FBXO11: variants seen among roughly 807,000 people sequenced by gnomAD.
FBXO11 encodes the protein F-box only protein 11.
In FBXO11, 13 loss-of-function variants were observed where a neutral mutation model predicts 117.0. That is an observed-to-expected ratio of 0.11 (90% CI 0.07 to 0.18). The LOEUF is 0.18. Ranked by LOEUF, FBXO11 falls within the 10% of genes least tolerant of loss-of-function variation. The pLI is 1.00. For missense variants in FBXO11, 767 were observed against 1,164.4 expected, an observed-to-expected ratio of 0.66 and a Z score of 4.97; for synonymous variants, 490 against 380.5, an observed-to-expected ratio of 1.29 and a Z score of -3.35.
chr2:47,829,949 G>T (rs1431225531), intron 11 of FBXO11, among the ~76,000 whole-genome samples: 3 of 152,078 alleles, frequency 2.0e-5, no homozygotes, highest in Non-Finnish European at 4.4e-5. Flanking sequence ...TTAAAAAAAT[G>T]TAAAAATTAA....
intron 1 of FBXO11, among the ~76,000 whole-genome samples, chr2:47,847,976 T>C (rs1029246833): frequency 2.6e-5 from 4 of 151,518 alleles, no homozygotes; most frequent in African/African-American, 7.3e-5. Flanking sequence ...TACAAAAAAT[T>C]AGCCGGGCGT....
chr2:47,858,830 G>T (rs913038582), intron 1 of FBXO11, among the ~76,000 whole-genome samples: 1 of 151,338 alleles, frequency 6.6e-6, no homozygotes, highest in Non-Finnish European at 1.5e-5. Context: ...GGATCACGAG[G>T]TCAGGAGTTC....
intron 1 of FBXO11, among the ~76,000 whole-genome samples, chr2:47,881,196 G>C (rs1676405431): frequency 6.6e-6 from 1 of 152,126 alleles, no homozygotes; most frequent in Admixed American, 6.5e-5. Flanking sequence ...AGGTTGCAGT[G>C]AGCCAAGATT....
intron 11 of FBXO11, 119 bp from the exon 12 acceptor site, chr2:47,823,479 G>A: frequency 1.2e-6 from 1 of 803,442 alleles, no homozygotes; most frequent in Non-Finnish European, 1.9e-6. Flanking sequence ...TTAAGGCTGG[G>A]CGTGGTGACT....
intron 1 of FBXO11, among the ~76,000 whole-genome samples, chr2:47,879,603 G>A (rs1676289943): frequency 6.6e-6 from 1 of 152,122 alleles, no homozygotes; most frequent in Non-Finnish European, 1.5e-5. Flanking sequence ...AGATCTTTTT[G>A]TTATCAAGTT....
chr2:47,897,956 T>C (rs1677801936), intron 1 of FBXO11, among the ~76,000 whole-genome samples: 1 of 152,222 alleles, frequency 6.6e-6, no homozygotes, highest in Admixed American at 6.5e-5. Flanking sequence ...ACACCTCTTC[T>C]CTCATGAGAT....
At chr2:47,863,937 T>C (rs1674990974) in intron 1 of FBXO11, among the ~76,000 whole-genome samples, 2 of 148,902 alleles carry the variant, frequency 1.3e-5, no homozygotes, top group Admixed American at 6.7e-5. Flanking sequence ...TGAGACTCTG[T>C]CTCAAAAAAA....
chr2:47,810,684 C>T, intron 18 of FBXO11: 1 of 338,204 alleles, frequency 3.0e-6, no homozygotes, highest in Non-Finnish European at 5.3e-6. Context: ...TAAGTTTACT[C>T]AGCACTTCAT....
At chr2:47,851,478 C>A (rs1038495717) in intron 1 of FBXO11, among the ~76,000 whole-genome samples, 29 of 152,158 alleles carry the variant, frequency 1.9e-4, no homozygotes, top group Admixed American at 1.2e-3. Flanking sequence ...CCACCCACCT[C>A]AGCTTCCCAA....
chr2:47,817,733 G>C (rs769235891), intron 16 of FBXO11, among the ~76,000 whole-genome samples: 1 of 152,246 alleles, frequency 6.6e-6, no homozygotes, highest in Non-Finnish European at 1.5e-5. Flanking sequence ...TGAGGAGAGG[G>C]ACAGAGATGG....
chr2:47,814,900 C>T (rs1357084500), intron 16 of FBXO11, among the ~76,000 whole-genome samples: 2 of 152,162 alleles, frequency 1.3e-5, no homozygotes, highest in African/African-American at 2.4e-5. Flanking sequence ...ATGTTCACAG[C>T]ATCTTCAACA....
chr2:47,902,448 T>C (rs1293024296), intron 1 of FBXO11, among the ~76,000 whole-genome samples: 1 of 152,116 alleles, frequency 6.6e-6, no homozygotes, highest in East Asian at 1.9e-4. Context: ...TCCTCAAAGA[T>C]TTTAATCTAT....
intron 1 of FBXO11, among the ~76,000 whole-genome samples, chr2:47,891,170 ATG>A (rs1479693730): frequency 6.6e-6 from 1 of 152,060 alleles, no homozygotes; most frequent in Non-Finnish European, 1.5e-5. Context: ...TTCTTAACAA[ATG>A]TTTAAGTGTA....
intron 1 of FBXO11, among the ~76,000 whole-genome samples, chr2:47,880,072 T>G (rs939611689): frequency 1.3e-5 from 2 of 152,054 alleles, no homozygotes; most frequent in African/African-American, 2.4e-5. Context: ...CTCGGTTTAC[T>G]GCAGCCTCCA....
chr2:47,856,901 C>T (rs577855651), intron 1 of FBXO11, among the ~76,000 whole-genome samples: 3 of 152,088 alleles, frequency 2.0e-5, no homozygotes, highest in Non-Finnish European at 4.4e-5. Context: ...GTTGAAGAAA[C>T]ATAAAATTAA....
chr2:47,827,795 C>T lies in FBXO11; in HGVS notation c.1399-4435G>A, dbSNP rs1453311254. ...CATTGCAACCTCCAAATCCCAGGTT[C>T]AAGCAATTTTCGTGCCTCAGCCTCC... is the stretch of plus-strand genomic sequence containing the variant. On this transcript the variant is annotated intron_variant, in intron 11 of 22. Coordinates refer to ENST00000403359, the MANE Select transcript of FBXO11 (RefSeq NM_001190274.2). Among the ~76,000 whole-genome samples, 8 of 151,508 alleles carry T rather than the reference C, an allele frequency of 5.3e-5. No homozygotes were observed. The East Asian group carries it at 1.4e-3, about 26-fold the overall frequency.
Position 47,887,273 on chromosome 2 carries a change from G to A in FBXO11, c.232+18216C>T, listed in dbSNP as rs542623135. On this transcript the variant is annotated intron_variant, in intron 1 of 22. Transcript: ENST00000403359. Reference sequence around the variant, plus strand: ...GCACTCCAGCCTGGGCAACAAGAGCGAAACTCCGTTTCAAAAAAAAAAGGT... The same window carrying A: ...GCACTCCAGCCTGGGCAACAAGAGCAAAACTCCGTTTCAAAAAAAAAAGGT... 2.3e-5 allele frequency among the ~76,000 whole-genome samples: 3 copies of A among 132,444 alleles called. No homozygotes were observed. The South Asian group carries it at 8.4e-4, about 37-fold the overall frequency. 86.9% of individuals were successfully genotyped at this position (132,444 alleles called of 152,430 possible).
At chr2:47,880,754 G>C (rs77852256) in intron 1 of FBXO11, among the ~76,000 whole-genome samples, 11,071 of 152,038 alleles carry the variant, frequency 0.073, 565 homozygotes, top group Non-Finnish European at 0.11. Context: ...ACTCCACCTG[G>C]TATGTTAAAA....
At position 47,839,511 on chromosome 2, in the gene FBXO11, A is replaced by C; in HGVS notation, c.361-11T>G. 1 of 1,613,324 alleles carries C rather than the reference A, an allele frequency of 6.2e-7. No individual in the cohort carries two copies. Among genetic ancestry groups the C allele is most frequent in the Non-Finnish European group, 8.5e-7 (1 of 1,179,812 alleles). ...TGAAGTTGAGGCGCCCTTCAAAAAC[A>C]AAACAGAAACTAGTAAAGCAAATAT... On this transcript the variant is annotated splice_polypyrimidine_tract_variant and intron_variant, in intron 2 of 22. Transcript: ENST00000403359.
Sources: gnomAD v4.1 joint callset for allele counts (sites outside exome capture counted in the v4.1 genomes callset) on GRCh38, gnomAD v4.1.1 for gene constraint, MANE v1.5 for transcripts, NCBI Gene and HGNC (gene_info 2026-07-23, HGNC 2026-07-21) for gene names.